The following SULF2 variants were observed in gnomAD, a reference collection of about 807,000 sequenced individuals.
The protein encoded by SULF2 is extracellular sulfatase Sulf-2.
In SULF2, 52 loss-of-function variants were observed where a neutral mutation model predicts 107.7. The ratio of observed to expected loss-of-function variants is 0.48; its 90% CI spans 0.39 to 0.61. The LOEUF (loss-of-function observed/expected upper bound fraction) is 0.61, where lower values mean the gene tolerates loss of function less well. SULF2 is among the 20% of genes least tolerant of loss of function. The probability of loss-of-function intolerance (pLI) is 0.00; values close to 1 mark genes in which losing one functional copy is unlikely to be tolerated. For missense variants in SULF2, 993 were observed against 1,177.3 expected (o/e 0.84, Z 2.29); for synonymous variants, 460 against 464.3 (o/e 0.99, Z 0.12).
chr20:47,714,230 C>G (rs551570041), intron 3 of SULF2, among the ~76,000 whole-genome samples: 1 of 152,190 alleles, frequency 6.6e-6, no homozygotes, highest in Non-Finnish European at 1.5e-5. Flanking sequence ...CTCTCACACA[C>G]GTTTGGCCGT....
chr20:47,742,733 T>C (rs1224146357), intron 2 of SULF2, among the ~76,000 whole-genome samples: 4 of 152,124 alleles, frequency 2.6e-5, no homozygotes, highest in Middle Eastern at 3.2e-3. Context: ...GTTATATATA[T>C]ATATTTTTGG....
At chr20:47,719,185 T>C (rs764933180) in intron 3 of SULF2, among the ~76,000 whole-genome samples, 1 of 152,236 alleles carries the variant, frequency 6.6e-6, no homozygotes, top group Admixed American at 6.5e-5. Context: ...GACCTATCCA[T>C]TGTCCATTAA....
At position 47,687,678 on chromosome 20, in the gene SULF2, T is replaced by C. The variant is rs1034453457; in HGVS notation, c.737+2448A>G. Among the ~76,000 whole-genome samples the C allele has an allele frequency of 3.9e-5, 5 of 128,986 alleles. No homozygotes were observed. In the East Asian group the frequency reaches 9.4e-4, roughly 24 times the overall value. The allele number at this position is 128,986 out of a possible 152,430, so 84.6% of individuals were successfully genotyped here. ...GTGTGTGTATGTCTTTGTGTGTGTC[T>C]GTAACTGTGTATTTTTGTGTGTCTG... On this transcript the variant is annotated intron_variant, in intron 5 of 20. Coordinates refer to ENST00000688720, the MANE Select transcript of SULF2 (RefSeq NM_001387048.1).
rs902489756 is a variant in SULF2, at chr20:47,666,219, G to A, written c.1805+41C>T. 2 of 1,611,110 alleles carry A rather than the reference G, an allele frequency of 1.2e-6. No homozygotes were observed. Among genetic ancestry groups the A allele is most frequent in the African/African-American group, 1.3e-5 (1 of 74,268 alleles). On this transcript the variant is annotated intron_variant, in intron 12 of 20. Coordinates refer to ENST00000688720, the MANE Select transcript of SULF2 (RefSeq NM_001387048.1). The surrounding 1 kb of genome is among the most constrained non-coding windows in gnomAD (Gnocchi z 5.4). ...TGTGGGAAGCCCTTTGCCGAGGTCT[G>A]TCCTGTCCCCTTCACCCTCGACTTC...
At chr20:47,691,230 G>C (rs1012399830) in intron 4 of SULF2, among the ~76,000 whole-genome samples, 6 of 152,112 alleles carry the variant, frequency 3.9e-5, no homozygotes, top group African/African-American at 1.2e-4. Flanking sequence ...AAAGAACCAA[G>C]GTAGTTAAAA....
intron 1 of SULF2, among the ~76,000 whole-genome samples, chr20:47,770,756 T>C (rs1470777650): frequency 1.3e-5 from 2 of 152,058 alleles, no homozygotes; most frequent in African/African-American, 4.8e-5. Flanking sequence ...TGGCAGTCGG[T>C]TGGGAGCTTG....
chr20:47,741,935 G>T (rs1018452404), intron 2 of SULF2, among the ~76,000 whole-genome samples: 1 of 152,182 alleles, frequency 6.6e-6, no homozygotes, highest in African/African-American at 2.4e-5. Context: ...TCAGATCCAG[G>T]GTCTCGAAAT....
intron 2 of SULF2, among the ~76,000 whole-genome samples, chr20:47,738,905 C>T (rs923066166): frequency 6.6e-6 from 1 of 152,176 alleles, no homozygotes; most frequent in African/African-American, 2.4e-5. Flanking sequence ...GTTCTGGATT[C>T]CCCAGGTGGG....
At chr20:47,688,202 G>T (rs937927109) in intron 5 of SULF2, among the ~76,000 whole-genome samples, 12 of 152,092 alleles carry the variant, frequency 7.9e-5, no homozygotes, top group Non-Finnish European at 1.6e-4. Flanking sequence ...CTAACCGTGC[G>T]CCCCGGCTCT....
chr20:47,724,357 G>A (rs911665083), intron 3 of SULF2, among the ~76,000 whole-genome samples: 12 of 152,318 alleles, frequency 7.9e-5, no homozygotes, highest in East Asian at 5.8e-4. Context: ...CCTGTCTTCC[G>A]CCTGCCTGTT....
chr20:47,731,175 C>T (rs2089591147), intron 3 of SULF2, among the ~76,000 whole-genome samples: 1 of 127,508 alleles, frequency 7.8e-6, no homozygotes, highest in African/African-American at 3.3e-5. Context: ...CTGCTACTCA[C>T]CTGTATCTTC....
intron 1 of SULF2, among the ~76,000 whole-genome samples, chr20:47,766,780 T>C (rs1398518270): frequency 1.3e-5 from 2 of 152,048 alleles, no homozygotes; most frequent in East Asian, 3.9e-4. Flanking sequence ...TGGCCATGGA[T>C]TAAAGTTAGA....
At chr20:47,785,105 A>C (rs2090900319) in intron 1 of SULF2, among the ~76,000 whole-genome samples, 1 of 151,792 alleles carries the variant, frequency 6.6e-6, no homozygotes, top group African/African-American at 2.4e-5. Flanking sequence ...CCCGCCAGCC[A>C]GCGGGGTCAA....
chr20:47,659,774 T>C (rs764039610), intron 18 of SULF2, 44 bp from the exon 19 acceptor site: 14 of 1,532,010 alleles, frequency 9.1e-6, no homozygotes, highest in Admixed American at 1.7e-5. Context: ...GCAGATAGTT[T>C]AGGCAAAACA....
chr20:47,679,859 C>T (rs556874787), intron 7 of SULF2, among the ~76,000 whole-genome samples: 42 of 152,284 alleles, frequency 2.8e-4, no homozygotes, highest in African/African-American at 6.3e-4. Flanking sequence ...GGACCCTATT[C>T]GGAACTGCGC....
chr20:47,693,384 C>T (rs1181167144), intron 4 of SULF2, among the ~76,000 whole-genome samples: 2 of 152,164 alleles, frequency 1.3e-5, no homozygotes, highest in African/African-American at 2.4e-5. Context: ...GGGAAGCCAC[C>T]GTTGCTCTTC....
intron 1 of SULF2, among the ~76,000 whole-genome samples, chr20:47,763,660 G>T (rs2090463771): frequency 6.6e-6 from 1 of 152,212 alleles, no homozygotes. Flanking sequence ...GCCTCCCCAG[G>T]TGGTCCAGAG....
chr20:47,716,563 G>A (rs967187221), intron 3 of SULF2, among the ~76,000 whole-genome samples: 2 of 152,142 alleles, frequency 1.3e-5, no homozygotes, highest in Non-Finnish European at 2.9e-5. Flanking sequence ...TTAATGAGAA[G>A]AGTTGCATTG....
At chr20:47,661,959 A>G in intron 17 of SULF2, 63 bp from the exon 18 acceptor site, 1 of 1,397,770 alleles carries the variant, frequency 7.2e-7, no homozygotes, top group Non-Finnish European at 9.5e-7. Context: ...CTGCCCTTCT[A>G]CCAACCAGGG....
Sources: gnomAD v4.1 joint callset for allele counts (sites outside exome capture counted in the v4.1 genomes callset) on GRCh38, gnomAD v4.1.1 for gene constraint, Gnocchi (gnomAD v3.1) non-coding constraint, MANE v1.5 for transcripts, NCBI Gene and HGNC (gene_info 2026-07-23, HGNC 2026-07-21) for gene names.